Variants in PARL observed in about 807,000 individuals in gnomAD.
PARL encodes presenilin-associated rhomboid-like protein, mitochondrial.
Under a neutral mutation model 51.6 loss-of-function variants are expected in PARL, and 44 were observed. That is an observed-to-expected ratio of 0.85 (90% CI 0.67 to 1.10). The LOEUF is 1.10. Among genes scored for constraint, PARL ranks in the 50% least tolerant of loss-of-function variants. The pLI is 0.00. For missense variants in PARL, 441 were observed against 469.5 expected (o/e 0.94, Z 0.56); for synonymous variants, 172 against 164.0 (o/e 1.05, Z -0.37).
intron 5 of PARL, 145 bp downstream of exon 5, chr3:183,844,086 G>T (rs996823715): frequency 7.1e-6 from 5 of 708,688 alleles, no homozygotes; most frequent in Non-Finnish European, 1.3e-5. Flanking sequence ...CCTGTCCTCA[G>T]TGAAGGAGCT....
intron 1 of PARL, among the ~76,000 whole-genome samples, chr3:183,868,461 C>T (rs544517422): frequency 2.0e-5 from 3 of 151,922 alleles, no homozygotes; most frequent in Admixed American, 1.3e-4. Context: ...CTCCCTCTGT[C>T]GCTCAGTGGT....
chr3:183,878,863 T>C (rs1306384815), intron 1 of PARL, among the ~76,000 whole-genome samples: 1 of 152,186 alleles, frequency 6.6e-6, no homozygotes, highest in East Asian at 1.9e-4. Context: ...TAAAGAGTTG[T>C]TTAAAAAGAA....
chr3:183,842,485 C>T, intron 5 of PARL, 38 bp from the exon 6 acceptor site: 1 of 1,594,352 alleles, frequency 6.3e-7, no homozygotes. Flanking sequence ...AATCATGAAA[C>T]ACACAGCCAA....
chr3:183,861,590 T>C (rs1035888739), intron 4 of PARL, among the ~76,000 whole-genome samples: 6 of 152,038 alleles, frequency 3.9e-5, no homozygotes, highest in African/African-American at 1.2e-4. Context: ...GAATAAACAG[T>C]TTGAATGAAG....
intron 7 of PARL, among the ~76,000 whole-genome samples, chr3:183,834,886 C>CAAAAAAAAAAAAA (rs60078452): frequency 9.2e-5 from 10 of 108,656 alleles, no homozygotes; most frequent in East Asian, 5.3e-4. Context: ...ACTAAAAATA[C>CAAAAAAAAAAAAA]AAAAAAAAAA....
chr3:183,833,579 G>C lies in PARL; in HGVS notation c.941C>G (p.Ala314Gly). ...FTFTAGNALK[A>G]IIAMDTAGMI... ...TCCTGCTGTATCCATGGCGATAATG[G>C]CTTTCAGGGCCTGAAAGGCAGCAAG... is the stretch of plus-strand genomic sequence containing the variant. The change falls in exon 9 of 10, where the codon GCC (alanine) becomes GGC (glycine). Residue 314 changes from alanine to glycine, a missense_variant. By Grantham distance (60) the Ala-to-Gly change is moderately conservative. Transcript: ENST00000317096. The C allele has an allele frequency of 1.9e-6, 3 of 1,611,076 alleles. No individual in the cohort carries two copies. The highest frequency in any genetic ancestry group is 2.5e-6 in the Non-Finnish European group (3 of 1,177,188).
intron 5 of PARL, 56 bp from the exon 6 acceptor site, chr3:183,842,503 TA>T: frequency 1.0e-5 from 16 of 1,570,742 alleles, no homozygotes; most frequent in Non-Finnish European, 1.3e-5. Flanking sequence ...CAATAAAAAT[TA>T]TCCATTTTAA....
chr3:183,859,818 T>C (rs1054738361), intron 4 of PARL, among the ~76,000 whole-genome samples: 4 of 152,208 alleles, frequency 2.6e-5, no homozygotes, highest in Non-Finnish European at 5.9e-5. Context: ...AACACTTTAC[T>C]GTCTGAACTT....
intron 4 of PARL, among the ~76,000 whole-genome samples, chr3:183,850,904 C>T (rs1186172109): frequency 6.6e-6 from 1 of 152,140 alleles, no homozygotes; most frequent in Non-Finnish European, 1.5e-5. Flanking sequence ...GAATTTACAA[C>T]ACAAACCTAC....
At chr3:183,842,557 C>T in intron 5 of PARL, 110 bp from the exon 6 acceptor site, 1 of 1,019,746 alleles carries the variant, frequency 9.8e-7, no homozygotes, top group Non-Finnish European at 1.5e-6. Context: ...CGCCTGTAAT[C>T]CCAGCACTTT....
chr3:183,853,330 A>C (rs889512678), intron 4 of PARL, among the ~76,000 whole-genome samples: 1 of 152,176 alleles, frequency 6.6e-6, no homozygotes, highest in African/African-American at 2.4e-5. Flanking sequence ...TGGGAGGCTG[A>C]GGTAGGTGGA....
At position 183,866,635 on chromosome 3, in the gene PARL, A is replaced by G. The variant is rs140419737; in HGVS notation, c.452T>C (p.Phe151Ser). Residue 151 changes from phenylalanine (F) to serine (S), a missense_variant, in exon 3 of 10, where the codon TTC becomes TCC. Coordinates refer to ENST00000317096, the MANE Select transcript of PARL (RefSeq NM_018622.7). ...DSIRPQKEGDFRKEINKWWNN... is the reference protein window; with the variant it reads ...DSIRPQKEGDSRKEINKWWNN... ...AGTGTTTATCTTTACCTCCTTTCTGAAGTCTCCTTCTTTTTGTGGTCTTAT... is the reference window on the plus strand; with the variant it reads ...AGTGTTTATCTTTACCTCCTTTCTGGAGTCTCCTTCTTTTTGTGGTCTTAT... The G allele has an allele frequency of 5.0e-6, 8 of 1,611,530 alleles. No homozygotes were observed. The highest frequency in any genetic ancestry group is 6.8e-6 in the Non-Finnish European group (8 of 1,179,440).
intron 6 of PARL, 70 bp from the exon 7 acceptor site, chr3:183,840,710 T>TTTTC: frequency 4.0e-6 from 1 of 246,940 alleles, no homozygotes; most frequent in Non-Finnish European, 7.3e-6. Flanking sequence ...TTTTCTTTTC[T>TTTTC]TTTTTTTTTT....
intron 5 of PARL, among the ~76,000 whole-genome samples, chr3:183,843,612 C>T (rs974546745): frequency 2.0e-5 from 3 of 152,118 alleles, no homozygotes; most frequent in Non-Finnish European, 4.4e-5. Flanking sequence ...GGGCGGATCA[C>T]GAGGTCAGGA....
chr3:183,826,781 T>C, downstream of PARL: 1 of 985,442 alleles, frequency 1.0e-6, no homozygotes, highest in Non-Finnish European at 1.2e-6. Context: ...CTTTGTGGAC[T>C]GTCCGCCACG....
intron 4 of PARL, among the ~76,000 whole-genome samples, chr3:183,862,080 C>G (rs150552899): frequency 8.1e-4 from 124 of 152,274 alleles, no homozygotes; most frequent in African/African-American, 2.8e-3. Flanking sequence ...TGGCAAAAAT[C>G]TATTTTCAAG....
intron 3 of PARL, among the ~76,000 whole-genome samples, chr3:183,864,824 A>C (rs971967551): frequency 6.6e-6 from 1 of 151,582 alleles, no homozygotes; most frequent in African/African-American, 2.4e-5. Flanking sequence ...AAAAGCAAAC[A>C]TTTTTAAGAA....
In PARL at chr3:183,842,238, G is replaced by A. The variant is rs529775578; in HGVS notation, c.757+60C>T. On this transcript the variant is annotated intron_variant, in intron 6 of 9. Coordinates refer to ENST00000317096, the MANE Select transcript of PARL (RefSeq NM_018622.7). ...ATGGCAGTAATCATTCCCTTTGTCC[G>A]TTCTGCAGATAGCTTAGAGTGCTTA... 1.8e-4 allele frequency: 263 copies of A among 1,486,592 alleles called. 3 individuals carry two copies. The Middle Eastern group carries it at 2.9e-3, about 16-fold the overall frequency. The allele number at this position is 1,486,592 out of a possible 1,614,324, so 92.1% of individuals were successfully genotyped here.
chr3:183,844,917 G>C (rs888484977), intron 4 of PARL: 1 of 152,354 alleles, frequency 6.6e-6, no homozygotes, highest in Non-Finnish European at 1.5e-5. Flanking sequence ...TCCTTTTTCT[G>C]TAAGTGTTGA....
Sources: gnomAD v4.1 joint callset for allele counts (sites outside exome capture counted in the v4.1 genomes callset) on GRCh38, gnomAD v4.1.1 for gene constraint, MANE v1.5 for transcripts, NCBI Gene and HGNC (gene_info 2026-07-23, HGNC 2026-07-21) for gene names.